SLC5A7: variants seen among roughly 807,000 people sequenced by gnomAD.
SLC5A7 encodes the protein high affinity choline transporter 1.
Under a neutral mutation model 55.4 loss-of-function variants are expected in SLC5A7, and 19 were observed. That is an observed-to-expected ratio of 0.34 (90% CI 0.24 to 0.50). The LOEUF is 0.50. Among genes scored for constraint, SLC5A7 ranks in the 20% least tolerant of loss-of-function variants. The pLI is 0.98. For synonymous variants in SLC5A7, 265 were observed against 263.7 expected, an observed-to-expected ratio of 1.00 and a Z score of -0.05; for missense variants, 506 against 705.3, an observed-to-expected ratio of 0.72 and a Z score of 3.20.
chr2:107,995,897 T>A (rs1229955008), intron 4 of SLC5A7, among the ~76,000 whole-genome samples: 4 of 152,138 alleles, frequency 2.6e-5, no homozygotes, highest in African/African-American at 4.8e-5. Flanking sequence ...AGACTAATAT[T>A]TCCTGGTATA....
rs199693962 is a variant in SLC5A7, at chr2:108,010,647, A to C, written c.1529A>C (p.Lys510Thr). 111 of 1,613,912 alleles carry C rather than the reference A, an allele frequency of 6.9e-5. No individual in the cohort carries two copies. In the East Asian group the frequency reaches 2.4e-3, roughly 34 times the overall value. ...YLFESGTLPP[K>T]LDVFDAVVAR... ...TTTGAAAGTGGAACCTTGCCACCTA[A>C]ATTAGATGTATTTGATGCTGTTGTT... Residue 510 changes from lysine to threonine, a missense_variant, in exon 9 of 9, where the codon AAA (lysine) becomes ACA (threonine). By Grantham distance (78) the Lys-to-Thr change is moderately conservative. Coordinates refer to ENST00000264047, the MANE Select transcript of SLC5A7 (RefSeq NM_021815.5).
rs1397615774 is a variant in SLC5A7, at chr2:108,011,648, AT to A, written c.*792del. 1 of 152,130 alleles carries A rather than the reference AT, an allele frequency of 6.6e-6. No homozygotes were observed. The highest frequency in any genetic ancestry group is 1.5e-5 in the Non-Finnish European group (1 of 68,004). The allele number at this position is 152,130 out of a possible 1,614,324, so 9.4% of individuals were successfully genotyped here. On this transcript the variant is annotated 3_prime_UTR_variant, in exon 9 of 9. Transcript: ENST00000264047. ...CAGAAGGTAATAGGAAGAACAGTAC[AT>A]TTTTGTCTTTATCTCAAGTATATAA...
rs745918946 is a variant in SLC5A7, at chr2:108,002,052, T to C, written c.741+12T>C. On this transcript the variant is annotated intron_variant, in intron 6 of 8. Transcript: ENST00000264047. ...GTTTTCTGTTGTTGGTAAGTAATGC[T>C]CTTACCTGAAGAATGTGATTTAATT... The C allele has an allele frequency of 5.6e-6, 9 of 1,606,578 alleles. No individual in the cohort carries two copies. Among genetic ancestry groups the C allele is most frequent in the Non-Finnish European group, 6.8e-6 (8 of 1,175,608 alleles).
intron 4 of SLC5A7, among the ~76,000 whole-genome samples, chr2:107,993,545 T>A (rs1677538306): frequency 1.3e-5 from 2 of 152,224 alleles, no homozygotes; most frequent in African/African-American, 4.8e-5. Flanking sequence ...TAAATTTAAA[T>A]AAATGATTTA....
chr2:107,990,834 C>T (rs1440591862), intron 2 of SLC5A7, among the ~76,000 whole-genome samples: 1 of 152,146 alleles, frequency 6.6e-6, no homozygotes, highest in Non-Finnish European at 1.5e-5. Context: ...GATATTATTT[C>T]ATTTACTTAC....
chr2:108,005,686 G>A (rs1678083089), intron 6 of SLC5A7, among the ~76,000 whole-genome samples: 1 of 152,148 alleles, frequency 6.6e-6, no homozygotes, highest in South Asian at 2.1e-4. Context: ...ACTGCCTGGT[G>A]AGGATTCGCA....
chr2:107,994,057 T>G (rs1677560058), intron 4 of SLC5A7, among the ~76,000 whole-genome samples: 1 of 152,180 alleles, frequency 6.6e-6, no homozygotes, highest in African/African-American at 2.4e-5. Flanking sequence ...AATCTACCCT[T>G]AGAGACACAG....
chr2:107,988,456 T>C, intron 2 of SLC5A7, 123 bp downstream of exon 2: 1 of 706,610 alleles, frequency 1.4e-6, no homozygotes, highest in Non-Finnish European at 2.1e-6. Flanking sequence ...TTCTTTATGT[T>C]CACTAGTTAT....
chr2:108,004,584 C>A (rs1244766075), intron 6 of SLC5A7, among the ~76,000 whole-genome samples: 4 of 152,078 alleles, frequency 2.6e-5, no homozygotes, highest in African/African-American at 9.7e-5. Flanking sequence ...ATTCATGTGA[C>A]CAATATTTAT....
chr2:107,996,456 T>C (rs1308040634), intron 4 of SLC5A7, among the ~76,000 whole-genome samples: 2 of 152,172 alleles, frequency 1.3e-5, no homozygotes, highest in African/African-American at 2.4e-5. Flanking sequence ...ATTGAGATAA[T>C]GTAGTTTCAT....
Position 108,011,014 on chromosome 2 carries a change from C to A in SLC5A7, c.*153C>A. On this transcript the variant is annotated 3_prime_UTR_variant, in exon 9 of 9. Coordinates refer to ENST00000264047, the MANE Select transcript of SLC5A7 (RefSeq NM_021815.5). ...TAAAGTGCAATTGCACAAATACAAG[C>A]CAAGCTAGAAGGAAGCACCTATGAA... 1 of 771,970 alleles carries A rather than the reference C, an allele frequency of 1.3e-6. No individual in the cohort carries two copies. The highest frequency in any genetic ancestry group is 1.9e-6 in the Non-Finnish European group (1 of 540,124). The allele number at this position is 771,970 out of a possible 1,614,324, so 47.8% of individuals were successfully genotyped here. A position where few individuals can be genotyped will look rare whatever the true frequency, so the allele number is the denominator to read the frequency against.
At chr2:107,990,915 A>G (rs1376646347) in intron 2 of SLC5A7, among the ~76,000 whole-genome samples, 1 of 152,208 alleles carries the variant, frequency 6.6e-6, no homozygotes, top group African/African-American at 2.4e-5. Context: ...TGCAATCCAG[A>G]ATTCAGCCTC....
chr2:108,005,935 AT>A (rs994645677), intron 6 of SLC5A7, 113 bp from the exon 7 acceptor site: 115 of 1,326,900 alleles, frequency 8.7e-5, no homozygotes, highest in Admixed American at 2.0e-4. Context: ...TACATGCCAC[AT>A]TTTTTTTACT....
At chr2:108,001,672 CAAA>C (rs71309338) in intron 5 of SLC5A7, among the ~76,000 whole-genome samples, 5 of 75,426 alleles carry the variant, frequency 6.6e-5, no homozygotes, top group Non-Finnish European at 9.7e-5. Context: ...GACTCCGTCT[CAAA>C]AAAAAAAAAA....
At chr2:107,993,808 A>G (rs333217) in intron 4 of SLC5A7, among the ~76,000 whole-genome samples, 122,894 of 152,176 alleles carry the variant, frequency 0.81, 50,410 homozygotes, top group African/African-American at 0.89. Flanking sequence ...AACATTCCTA[A>G]AGAAGTGAGA....
At chr2:107,992,002 A>G in intron 2 of SLC5A7, 104 bp from the exon 3 acceptor site, 2 of 575,274 alleles carry the variant, frequency 3.5e-6, no homozygotes, top group South Asian at 6.0e-5. Context: ...TAGGCTCGTC[A>G]CATTTCAGGT....
At chr2:107,993,174 A>C (rs199761397) in intron 4 of SLC5A7, 47 bp downstream of exon 4, 1 of 1,602,698 alleles carries the variant, frequency 6.2e-7, no homozygotes, top group African/African-American at 1.3e-5. Context: ...AGTTAACTAA[A>C]CATCAGATAC....
At chr2:108,002,630 G>T (rs1677957795) in intron 6 of SLC5A7, among the ~76,000 whole-genome samples, 1 of 152,100 alleles carries the variant, frequency 6.6e-6, no homozygotes, top group African/African-American at 2.4e-5. Flanking sequence ...TGAGGCAAGA[G>T]GGAACAACCA....
In SLC5A7 at chr2:107,997,814, A is replaced by G. The variant is rs75777824; in HGVS notation, c.449-24A>G. The G allele has an allele frequency of 2.5e-3, 3,976 of 1,591,192 alleles. 76 individuals carry two copies. The African/African-American group carries it at 0.047, about 19-fold the overall frequency. ...CAGAATCTGTCTGGGCACCTTGACC[A>G]CAGAACTCTCTTGTTTGTTTCAGGA... On this transcript the variant is annotated intron_variant, in intron 4 of 8. Coordinates refer to ENST00000264047, the MANE Select transcript of SLC5A7 (RefSeq NM_021815.5).
Sources: gnomAD v4.1 joint callset for allele counts (sites outside exome capture counted in the v4.1 genomes callset) on GRCh38, gnomAD v4.1.1 for gene constraint, MANE v1.5 for transcripts, NCBI Gene and HGNC (gene_info 2026-07-23, HGNC 2026-07-21) for gene names.